The following DAG1 variants were observed in gnomAD, a reference collection of about 807,000 sequenced individuals.
DAG1 encodes the protein dystroglycan 1 (dystrophin-associated glycoprotein 1).
A neutral mutation model predicts 46.1 loss-of-function variants in DAG1; 8 were observed. The ratio of observed to expected loss-of-function variants is 0.17; its 90% confidence interval spans 0.10 to 0.31. DAG1 has a LOEUF of 0.31. Among genes scored for constraint, DAG1 ranks in the 10% least tolerant of loss-of-function variants. The probability of loss-of-function intolerance (pLI) is 1.00; values close to 1 mark genes in which losing one functional copy is unlikely to be tolerated. For missense variants in DAG1, 1,003 were observed against 1,189.9 expected (o/e 0.84, Z 2.31); for synonymous variants, 495 against 481.8 (o/e 1.03, Z -0.36).
chr3:49,522,554 C>G (rs1324494323), intron 2 of DAG1, among the ~76,000 whole-genome samples: 1 of 150,764 alleles, frequency 6.6e-6, no homozygotes, highest in Non-Finnish European at 1.5e-5. Flanking sequence ...ATCCTCCCGC[C>G]TCAGCCTCCT....
chr3:49,494,669 C>G (rs983293149), intron 1 of DAG1, among the ~76,000 whole-genome samples: 1 of 149,864 alleles, frequency 6.7e-6, no homozygotes, highest in African/African-American at 2.5e-5. Context: ...GAGTCTTGCA[C>G]TGTCATCCAG....
chr3:49,495,837 T>C (rs552488456), intron 1 of DAG1, among the ~76,000 whole-genome samples: 3 of 152,170 alleles, frequency 2.0e-5, no homozygotes, highest in South Asian at 2.1e-4. Flanking sequence ...GGAGAATTGC[T>C]TGAACCCGGA....
chr3:49,507,946 G>A (rs933610904), intron 1 of DAG1, among the ~76,000 whole-genome samples: 1 of 152,032 alleles, frequency 6.6e-6, no homozygotes, highest in Admixed American at 6.6e-5. Context: ...ATTTGTCTGT[G>A]TAGAGTTGTT....
Position 49,531,820 on chromosome 3 carries a change from C to T in DAG1, c.1309C>T (p.Pro437Ser). 1 of 1,613,948 alleles carries T rather than the reference C, an allele frequency of 6.2e-7. No individual in the cohort carries two copies. Among genetic ancestry groups the T allele is most frequent in the Non-Finnish European group, 8.5e-7 (1 of 1,179,998 alleles). Residue 437 changes from proline (P) to serine (S), a missense_variant, in exon 3 of 3, where the codon CCT becomes TCT. Pro to Ser is a moderately conservative substitution (Grantham distance 74). This residue lies in a region of DAG1 where 755 missense variants were observed against 854.1 expected (regional missense o/e 0.88). Transcript: ENST00000308775. This position sits in a 1 kb window ranked among gnomAD's most constrained non-coding sequence, Gnocchi z 7.0. ...PRVSTPKPAT[P>S]STDSTTTTTR... ...AGTATCCACACCAAAACCAGCAACG[C>T]CTTCAACTGACTCCACCACCACCAC...
intron 2 of DAG1, among the ~76,000 whole-genome samples, chr3:49,517,303 T>C (rs1299052427): frequency 6.6e-6 from 1 of 152,182 alleles, no homozygotes; most frequent in Admixed American, 6.5e-5. Context: ...CCCAAGAGGC[T>C]TCTTGAGCCT....
intron 1 of DAG1, among the ~76,000 whole-genome samples, chr3:49,475,465 G>A (rs2049655950): frequency 7.5e-6 from 1 of 132,584 alleles, no homozygotes; most frequent in African/African-American, 2.9e-5. Context: ...GGAGTGCATG[G>A]CGCGATCTTG....
chr3:49,498,098 C>T (rs966147357), intron 1 of DAG1, among the ~76,000 whole-genome samples: 1 of 152,066 alleles, frequency 6.6e-6, no homozygotes, highest in Admixed American at 6.6e-5. Context: ...ATTTTTTCTC[C>T]CACGTATTTT....
intron 1 of DAG1, among the ~76,000 whole-genome samples, chr3:49,501,840 CA>C (rs1273819985): frequency 6.7e-6 from 1 of 149,626 alleles, no homozygotes; most frequent in African/African-American, 2.5e-5. Context: ...GATTAAAATG[CA>C]TAAGAAAGGA....
chr3:49,502,333 C>G lies in DAG1; in HGVS notation c.-116-8086C>G, dbSNP rs190255912. 1.2e-3 allele frequency among the ~76,000 whole-genome samples: 180 copies of G among 152,330 alleles called. 2 individuals are homozygous for G. The highest frequency in any genetic ancestry group is 0.011 in the Admixed American group (164 of 15,302). On this transcript the variant is annotated intron_variant, in intron 1 of 2. Transcript: ENST00000308775. Reference sequence around the variant, plus strand: ...AGTTAAATGGTTCTTGGAACTGATGCCCATAGGGCTCCTCCATCTATGTAC... The same window carrying G: ...AGTTAAATGGTTCTTGGAACTGATGGCCATAGGGCTCCTCCATCTATGTAC...
chr3:49,526,879 CATA>C (rs1158157958), intron 2 of DAG1, among the ~76,000 whole-genome samples: 1 of 141,894 alleles, frequency 7.0e-6, no homozygotes, highest in Non-Finnish European at 1.6e-5. Flanking sequence ...TTGTTTGTTA[CATA>C]ATATTAACAT....
chr3:49,494,245 G>A (rs2050255252), intron 1 of DAG1, among the ~76,000 whole-genome samples: 2 of 152,198 alleles, frequency 1.3e-5, no homozygotes, highest in South Asian at 4.1e-4. Context: ...ACTGAAGATT[G>A]AAGCATTTGC....
At chr3:49,524,220 T>C (rs1187768128) in intron 2 of DAG1, among the ~76,000 whole-genome samples, 2 of 152,140 alleles carry the variant, frequency 1.3e-5, no homozygotes, top group Non-Finnish European at 1.5e-5. Flanking sequence ...GTGGAATCCT[T>C]TGGGGACTGT....
At chr3:49,471,893 G>A (rs958828113) in intron 1 of DAG1, among the ~76,000 whole-genome samples, 4 of 152,196 alleles carry the variant, frequency 2.6e-5, no homozygotes, top group African/African-American at 9.7e-5. Flanking sequence ...TGCCCGCTAA[G>A]CGTGCTCACA....
intron 2 of DAG1, among the ~76,000 whole-genome samples, chr3:49,529,443 TG>T (rs2051283214): frequency 6.6e-6 from 1 of 152,214 alleles, no homozygotes; most frequent in Non-Finnish European, 1.5e-5. Context: ...GGTACAAGCC[TG>T]GGGTCTCCTT....
rs1255897213 is a variant in DAG1, at chr3:49,530,969, C to G, written c.458C>G (p.Ser153Cys). 1 of 1,614,146 alleles carries G rather than the reference C, an allele frequency of 6.2e-7. No individual in the cohort carries two copies. The highest frequency in any genetic ancestry group is 1.7e-5 in the Admixed American group (1 of 60,018). ...SHIPQTSSVF[S>C]IEVYPEDHSE... The stretch of plus-strand genomic sequence containing the variant: ...ATCCCCCAGACCTCCAGTGTGTTCT[C>G]CATCGAGGTCTACCCTGAAGACCAC... Residue 153 changes from serine (S) to cysteine (C), a missense_variant, in exon 3 of 3, where the codon TCC becomes TGC. This residue lies in a region of DAG1 where 196 missense variants were observed against 239.1 expected (regional missense o/e 0.82). Coordinates refer to ENST00000308775, the MANE Select transcript of DAG1 (RefSeq NM_004393.6).
rs2107959292 is a variant in DAG1 at position 49,533,140 on chromosome 3, G to A, written c.2629G>A (p.Gly877Ser). 1 of 1,614,068 alleles carries A rather than the reference G, an allele frequency of 6.2e-7. No homozygotes were observed. Among genetic ancestry groups the A allele is most frequent in the Admixed American group, 1.7e-5 (1 of 60,018 alleles). The change falls in exon 3 of 3, where the codon GGC becomes AGC. Residue 877 changes from glycine to serine, a missense_variant. Gly to Ser is a moderately conservative substitution (Grantham distance 56). Transcript: ENST00000308775. ...CTTCACAGCACCCATGGAGGGCAAGGGCTCCCGTCCCAAGAACATGACCCC... is the reference window on the plus strand; with the variant it reads ...CTTCACAGCACCCATGGAGGGCAAGAGCTCCCGTCCCAAGAACATGACCCC... ...PPFTAPMEGKGSRPKNMTPYR... is the reference protein window; with the variant it reads ...PPFTAPMEGKSSRPKNMTPYR...
At chr3:49,503,717 A>G (rs1432642210) in intron 1 of DAG1, among the ~76,000 whole-genome samples, 1 of 151,616 alleles carries the variant, frequency 6.6e-6, no homozygotes, top group Non-Finnish European at 1.5e-5. Flanking sequence ...GGTCCCAGCT[A>G]TTTCGGAAGC....
In DAG1 at chr3:49,478,906, C is replaced by A. The variant is rs559050758; in HGVS notation, c.-117+8473C>A. Among the ~76,000 whole-genome samples the A allele has an allele frequency of 4.9e-4, 70 of 143,768 alleles. 1 individual carries two copies. The highest frequency in any genetic ancestry group is 3.5e-3 in the South Asian group (15 of 4,308). The allele number at this position is 143,768 out of a possible 152,430, so 94.3% of individuals were successfully genotyped here. Reference sequence around the variant, plus strand: ...TCGGCTCATTGCAACCTCTGCCTCCCGGGTTCAAGCGATTCTCCTGCCTCA... The same window carrying A: ...TCGGCTCATTGCAACCTCTGCCTCCAGGGTTCAAGCGATTCTCCTGCCTCA... On this transcript the variant is annotated intron_variant, in intron 1 of 2. Transcript: ENST00000308775.
At chr3:49,523,312 A>T (rs562874436) in intron 2 of DAG1, among the ~76,000 whole-genome samples, 1 of 152,252 alleles carries the variant, frequency 6.6e-6, no homozygotes, top group South Asian at 2.1e-4. Flanking sequence ...TTCTGGCCTC[A>T]AACAATCCTC....
Sources: gnomAD v4.1 joint callset for allele counts (sites outside exome capture counted in the v4.1 genomes callset) on GRCh38, gnomAD v4.1.1 for gene constraint, gnomAD v4.1.1 regional missense constraint, Gnocchi (gnomAD v3.1) non-coding constraint, MANE v1.5 for transcripts, NCBI Gene and HGNC (gene_info 2026-07-23, HGNC 2026-07-21) for gene names.